SH3RF3: variants seen among roughly 807,000 people sequenced by gnomAD.
The protein encoded by SH3RF3 is SH3 domain containing ring finger 3.
In SH3RF3, 29 loss-of-function variants were observed where a neutral mutation model predicts 66.3. That is an observed-to-expected ratio of 0.44 (90% CI 0.33 to 0.60). The LOEUF (loss-of-function observed/expected upper bound fraction) is 0.60. SH3RF3 is among the 20% of genes least tolerant of loss of function. The pLI is 0.04. For synonymous variants in SH3RF3, 583 were observed against 532.0 expected (o/e 1.10, Z -1.32); for missense variants, 1,194 against 1,190.9 (o/e 1.00, Z -0.04).
chr2:109,307,443 T>C (rs1681623914), intron 1 of SH3RF3, among the ~76,000 whole-genome samples: 1 of 150,116 alleles, frequency 6.7e-6, no homozygotes, highest in African/African-American at 2.5e-5. Context: ...ATTATTATAC[T>C]TTAAGTTTTA....
At chr2:109,215,738 C>T (rs1679089858) in intron 1 of SH3RF3, among the ~76,000 whole-genome samples, 1 of 152,190 alleles carries the variant, frequency 6.6e-6, no homozygotes, top group African/African-American at 2.4e-5. Context: ...ACTGCTAGGA[C>T]ATCTAATGGG....
intron 1 of SH3RF3, among the ~76,000 whole-genome samples, chr2:109,178,278 T>A (rs765297925): frequency 6.6e-6 from 1 of 152,232 alleles, no homozygotes; most frequent in Non-Finnish European, 1.5e-5. Flanking sequence ...ATCTGCCTCT[T>A]TGCTTTAATT....
intron 1 of SH3RF3, among the ~76,000 whole-genome samples, chr2:109,227,148 G>T (rs1478792408): frequency 6.6e-6 from 1 of 152,174 alleles, no homozygotes; most frequent in African/African-American, 2.4e-5. Context: ...TGAGTGAACT[G>T]ATGGCAGTGG....
chr2:109,413,651 C>A (rs1297890752), intron 4 of SH3RF3, among the ~76,000 whole-genome samples: 2 of 152,216 alleles, frequency 1.3e-5, no homozygotes, highest in African/African-American at 4.8e-5. Flanking sequence ...CCCCCACATT[C>A]CCCTCCCTAT....
intron 1 of SH3RF3, among the ~76,000 whole-genome samples, chr2:109,347,131 A>G (rs1418768995): frequency 6.6e-6 from 1 of 152,212 alleles, no homozygotes; most frequent in Non-Finnish European, 1.5e-5. Flanking sequence ...TGCTGTGACT[A>G]TTCAGTAGAT....
At chr2:109,454,530 G>A (rs556618845) in intron 8 of SH3RF3, among the ~76,000 whole-genome samples, 5 of 152,284 alleles carry the variant, frequency 3.3e-5, no homozygotes, top group East Asian at 1.9e-4. Flanking sequence ...CGCTCCCGCC[G>A]GCTGCCTGAC....
At chr2:109,374,694 C>G (rs867585133) in intron 3 of SH3RF3, among the ~76,000 whole-genome samples, 28 of 152,356 alleles carry the variant, frequency 1.8e-4, no homozygotes, top group African/African-American at 5.8e-4. Context: ...TATCTTCTTT[C>G]ATGCTCACGT....
At chr2:109,369,809 A>G (rs1488106381) in intron 2 of SH3RF3, among the ~76,000 whole-genome samples, 1 of 152,172 alleles carries the variant, frequency 6.6e-6, no homozygotes, top group Non-Finnish European at 1.5e-5. Context: ...CTCCCGGTGA[A>G]GCAGTTTCTC....
intron 4 of SH3RF3, among the ~76,000 whole-genome samples, chr2:109,415,664 G>T (rs1676704549): frequency 6.6e-6 from 1 of 152,100 alleles, no homozygotes; most frequent in African/African-American, 2.4e-5. Context: ...CTGAAGACCA[G>T]AACACTCTCA....
chr2:109,132,269 T>G (rs1220459595), intron 1 of SH3RF3, among the ~76,000 whole-genome samples: 1 of 152,210 alleles, frequency 6.6e-6, no homozygotes. Flanking sequence ...TTTAGGTATA[T>G]AGGTAAGTAT....
chr2:109,302,268 TG>T (rs1417106183), intron 1 of SH3RF3, among the ~76,000 whole-genome samples: 1 of 134,006 alleles, frequency 7.5e-6, no homozygotes, highest in African/African-American at 2.5e-5. Flanking sequence ...ACCTGAATCC[TG>T]GGGCATTTTT....
At chr2:109,189,325 A>G (rs1288427071) in intron 1 of SH3RF3, among the ~76,000 whole-genome samples, 1 of 149,972 alleles carries the variant, frequency 6.7e-6, no homozygotes, top group Non-Finnish European at 1.5e-5. Context: ...CCCACCATCT[A>G]CCAGGCAGAC....
intron 4 of SH3RF3, 129 bp from the exon 5 acceptor site, chr2:109,419,410 G>C (rs748372543): frequency 1.1e-6 from 1 of 944,180 alleles, no homozygotes; most frequent in East Asian, 2.6e-5. Flanking sequence ...GGCACAGCAC[G>C]TTGGAGGCCA....
intron 8 of SH3RF3, among the ~76,000 whole-genome samples, chr2:109,488,601 G>C (rs1171862169): frequency 6.6e-6 from 1 of 152,144 alleles, no homozygotes; most frequent in Admixed American, 6.5e-5. Flanking sequence ...GACCCCTCAC[G>C]GTTTCTTCTT....
At chr2:109,147,965 T>C (rs1189860531) in intron 1 of SH3RF3, among the ~76,000 whole-genome samples, 1 of 152,212 alleles carries the variant, frequency 6.6e-6, no homozygotes, top group Non-Finnish European at 1.5e-5. Context: ...TTTCTGCTGA[T>C]CTTTACAGGT....
intron 1 of SH3RF3, among the ~76,000 whole-genome samples, chr2:109,284,499 C>G (rs1415880330): frequency 2.6e-5 from 4 of 152,196 alleles, no homozygotes; most frequent in Non-Finnish European, 5.9e-5. Context: ...ACTCTCCTCT[C>G]GTCCAGCCTT....
intron 1 of SH3RF3, among the ~76,000 whole-genome samples, chr2:109,247,859 TTATATCCCCCAAAGGCTAGCC>T (rs1300503755): frequency 6.6e-6 from 1 of 152,226 alleles, no homozygotes; most frequent in African/African-American, 2.4e-5. Context: ...ACATGGTCTC[TTATATCCCCCAAAGGCTAGCC>T]TGGGCGTCTT....
In SH3RF3 at chr2:109,143,455, G is replaced by A. The variant is rs139425532; in HGVS notation, c.573+13342G>A. Among the ~76,000 whole-genome samples, 12 of 152,244 alleles carry A rather than the reference G, an allele frequency of 7.9e-5. No individual in the cohort carries two copies. In the East Asian group the frequency reaches 2.3e-3, roughly 29 times the overall value. ...TCACCAGATGAATGATAAAGAAAGTGCAGTGGGCTGGGTGCAGTGGCTCAT... is the reference window on the plus strand; with the variant it reads ...TCACCAGATGAATGATAAAGAAAGTACAGTGGGCTGGGTGCAGTGGCTCAT... On this transcript the variant is annotated intron_variant, in intron 1 of 9. Coordinates refer to ENST00000309415, the MANE Select transcript of SH3RF3 (RefSeq NM_001099289.3).
intron 5 of SH3RF3, among the ~76,000 whole-genome samples, chr2:109,425,950 T>C (rs1677018149): frequency 6.6e-6 from 1 of 152,156 alleles, no homozygotes; most frequent in South Asian, 2.1e-4. Flanking sequence ...CAGGCTGGAG[T>C]GCAGTGGCAT....
Sources: gnomAD v4.1 joint callset for allele counts (sites outside exome capture counted in the v4.1 genomes callset) on GRCh38, gnomAD v4.1.1 for gene constraint, MANE v1.5 for transcripts, NCBI Gene and HGNC (gene_info 2026-07-23, HGNC 2026-07-21) for gene names.